The following CALD1 variants were observed in gnomAD, a reference collection of about 807,000 sequenced individuals.
The protein encoded by CALD1 is caldesmon.
In CALD1, 33 loss-of-function variants were observed where a neutral mutation model predicts 99.9. The observed-to-expected ratio is 0.33, with a 90% CI of 0.25 to 0.44. The LOEUF is 0.44. Ranked by LOEUF, CALD1 falls within the 20% of genes least tolerant of loss-of-function variation. The pLI is 1.00. For synonymous variants in CALD1, 310 were observed against 325.0 expected (o/e 0.95, Z 0.50); for missense variants, 861 against 962.1 (o/e 0.89, Z 1.39).
chr7:134,922,558 C>T (rs1384345379), intron 3 of CALD1, among the ~76,000 whole-genome samples: 1 of 152,122 alleles, frequency 6.6e-6, no homozygotes, highest in Non-Finnish European at 1.5e-5. Context: ...AGAATTTTGC[C>T]AGTGTTGCAG....
At chr7:134,926,533 C>T (rs1468289711) in intron 3 of CALD1, among the ~76,000 whole-genome samples, 1 of 152,110 alleles carries the variant, frequency 6.6e-6, no homozygotes, top group East Asian at 1.9e-4. Flanking sequence ...AAGAAGAAAC[C>T]AACCAACCTT....
intron 5 of CALD1, among the ~76,000 whole-genome samples, chr7:134,934,776 G>A (rs1193867449): frequency 2.6e-5 from 4 of 152,130 alleles, no homozygotes; most frequent in South Asian, 2.1e-4. Context: ...AGCTACTCAG[G>A]AGGCTGAGGC....
the CALD1 span, among the ~76,000 whole-genome samples, chr7:134,720,279 C>G: frequency 2.0e-5 from 3 of 151,170 alleles, no homozygotes; most frequent in East Asian, 5.8e-4. Context: ...GATGAATGGG[C>G]CCCTTGTTCT....
intron 3 of CALD1, among the ~76,000 whole-genome samples, chr7:134,895,026 G>A (rs1396242930): frequency 6.6e-6 from 1 of 151,680 alleles, no homozygotes; most frequent in East Asian, 1.9e-4. Context: ...ATGGAGTCAA[G>A]GAAACGTAGG....
intron 2 of CALD1, among the ~76,000 whole-genome samples, chr7:134,853,338 G>A (rs1038514190): frequency 1.5e-4 from 23 of 152,074 alleles, no homozygotes; most frequent in Non-Finnish European, 2.2e-4. Flanking sequence ...GCATGTACTC[G>A]ATGTCAATTT....
intron 6 of CALD1, among the ~76,000 whole-genome samples, chr7:134,936,710 T>C (rs1237089122): frequency 6.6e-6 from 1 of 152,208 alleles, no homozygotes; most frequent in Admixed American, 6.5e-5. Flanking sequence ...TTTTCTTAAA[T>C]ACGTTTTGTC....
intron 3 of CALD1, among the ~76,000 whole-genome samples, chr7:134,878,094 C>A (rs1312842695): frequency 1.3e-5 from 2 of 152,080 alleles, no homozygotes; most frequent in Non-Finnish European, 2.9e-5. Context: ...ACAGAGGTAA[C>A]CAGTGTCCTG....
At chr7:134,755,313 T>A (rs1458575158) in intron 1 of CALD1, among the ~76,000 whole-genome samples, 2 of 152,206 alleles carry the variant, frequency 1.3e-5, no homozygotes, top group Admixed American at 1.3e-4. Context: ...ATATTTCAAA[T>A]GTTGCTTCTC....
At chr7:134,896,763 A>G (rs1156935991) in intron 3 of CALD1, among the ~76,000 whole-genome samples, 1 of 152,190 alleles carries the variant, frequency 6.6e-6, no homozygotes, top group Non-Finnish European at 1.5e-5. Flanking sequence ...GCCCATCAAA[A>G]TCACTTTATA....
At chr7:134,894,917 A>G (rs1802452377) in intron 3 of CALD1, among the ~76,000 whole-genome samples, 1 of 152,090 alleles carries the variant, frequency 6.6e-6, no homozygotes, top group African/African-American at 2.4e-5. Flanking sequence ...TTTCTTATAG[A>G]GAAGTGTGCT....
intron 3 of CALD1, among the ~76,000 whole-genome samples, chr7:134,897,809 C>T (rs150647361): frequency 0.074 from 11,233 of 152,158 alleles, 540 homozygotes; most frequent in Middle Eastern, 0.14. Flanking sequence ...TGGGCTTAAG[C>T]GATCCTCCTG....
At chr7:134,929,646 G>GTGTATATATATA (rs1488854871) in intron 4 of CALD1, among the ~76,000 whole-genome samples, 7 of 7,916 alleles carry the variant, frequency 8.8e-4, no homozygotes, top group Admixed American at 1.4e-3. Flanking sequence ...GTGTGTGTGT[G>GTGTATATATATA]TATATATATA....
At chr7:134,769,750 G>A (rs1796862157) in intron 1 of CALD1, among the ~76,000 whole-genome samples, 1 of 152,104 alleles carries the variant, frequency 6.6e-6, no homozygotes, top group Admixed American at 6.5e-5. Flanking sequence ...CAATTCTCCT[G>A]CCTCAACCTC....
rs1039618292 is a variant in CALD1, at chr7:134,969,835, C to T, written c.*1490C>T. The T allele has an allele frequency of 6.6e-6, 1 of 152,574 alleles. No homozygotes were observed. Among genetic ancestry groups the T allele is most frequent in the African/African-American group, 2.4e-5 (1 of 41,434 alleles). 9.5% of individuals were successfully genotyped at this position (152,574 alleles called of 1,614,324 possible). On this transcript the variant is annotated 3_prime_UTR_variant, in exon 15 of 15. Coordinates refer to ENST00000361675, the MANE Select transcript of CALD1 (RefSeq NM_033138.4). Reference sequence around the variant, plus strand: ...ATGAAAGAGTCCTCCAGTGTCTTGGCAAAATGTTCTAGTATAGCTGGATAC... The same window carrying T: ...ATGAAAGAGTCCTCCAGTGTCTTGGTAAAATGTTCTAGTATAGCTGGATAC...
chr7:134,932,660 C>T (rs931243354), intron 4 of CALD1, among the ~76,000 whole-genome samples: 1 of 152,158 alleles, frequency 6.6e-6, no homozygotes, highest in African/African-American at 2.4e-5. Flanking sequence ...GGAATACACA[C>T]CTCGGAGTTA....
upstream of CALD1, among the ~76,000 whole-genome samples, chr7:134,778,881 C>T (rs1796992498): frequency 6.6e-6 from 1 of 152,194 alleles, no homozygotes; most frequent in Non-Finnish European, 1.5e-5. Flanking sequence ...GAAAGTGAAG[C>T]CAGTGAGGAT....
At chr7:134,805,017 G>A (rs1347286017) in intron 1 of CALD1, among the ~76,000 whole-genome samples, 4 of 152,190 alleles carry the variant, frequency 2.6e-5, no homozygotes, top group Non-Finnish European at 4.4e-5. Context: ...CTGATTGGTC[G>A]GGTCGGAGAT....
chr7:134,953,992 A>G (rs563125680), intron 9 of CALD1, among the ~76,000 whole-genome samples: 1 of 152,344 alleles, frequency 6.6e-6, no homozygotes, highest in East Asian at 1.9e-4. Flanking sequence ...CTGATTTTCA[A>G]GCTCAATTTC....
At chr7:134,947,112 A>G (rs913190318) in intron 7 of CALD1, among the ~76,000 whole-genome samples, 6 of 152,190 alleles carry the variant, frequency 3.9e-5, no homozygotes, top group African/African-American at 1.2e-4. Context: ...TAATGCTGCT[A>G]TGAACACGGG....
Sources: gnomAD v4.1 joint callset for allele counts (sites outside exome capture counted in the v4.1 genomes callset) on GRCh38, gnomAD v4.1.1 for gene constraint, MANE v1.5 for transcripts, NCBI Gene and HGNC (gene_info 2026-07-23, HGNC 2026-07-21) for gene names.